The following RBPJ variants were observed in gnomAD, a reference collection of about 807,000 sequenced individuals.
RBPJ encodes the protein recombination signal binding protein for immunoglobulin kappa J region.
Under a neutral mutation model 67.8 loss-of-function variants are expected in RBPJ, and 9 were observed. The observed-to-expected ratio is 0.13, with a 90% confidence interval of 0.08 to 0.23. The LOEUF is 0.23. RBPJ is among the 10% of genes least tolerant of loss of function. RBPJ has a pLI of 1.00. For missense variants in RBPJ, 305 were observed against 595.6 expected (o/e 0.51, Z 5.08); for synonymous variants, 198 against 203.3 (o/e 0.97, Z 0.22).
rs902593230 is a variant in RBPJ, at chr4:26,433,454, C to T, written c.*2447C>T. The T allele has an allele frequency of 2.6e-5, 4 of 152,164 alleles. No individual in the cohort carries two copies. Among genetic ancestry groups the T allele is most frequent in the Non-Finnish European group, 4.4e-5 (3 of 68,022 alleles). 9.4% of individuals were successfully genotyped at this position (152,164 alleles called of 1,614,324 possible). A position where few individuals can be genotyped will look rare whatever the true frequency, so the allele number is the denominator to read the frequency against. On this transcript the variant is annotated 3_prime_UTR_variant, in exon 11 of 11. Transcript: ENST00000355476. ...AGATACTTTTGAAGAACAAACTATT[C>T]CTTACCCATTTTTGTAGCTCAAAAA...
At chr4:26,129,409 A>G in the RBPJ span, among the ~76,000 whole-genome samples, 4 of 152,210 alleles carry the variant, frequency 2.6e-5, no homozygotes, top group African/African-American at 9.7e-5. Context: ...TATAGTGGAT[A>G]TTTTCTAAAG....
In RBPJ at chr4:26,233,202, A is replaced by G. The variant is rs1719345675; in HGVS notation, c.-167+69588A>G. Among the ~76,000 whole-genome samples, 3 of 152,336 alleles carry G rather than the reference A, an allele frequency of 2.0e-5. No individual in the cohort carries two copies. The South Asian group carries it at 6.2e-4, about 32-fold the overall frequency. The stretch of plus-strand genomic sequence containing the variant: ...GGATAAATAAATCATTCATGAATAC[A>G]TTTGATAAGAGAATGTATGGAGCTA... On this transcript the variant is annotated intron_variant, in intron 1 of 4. Coordinates refer to the RBPJ transcript ENST00000512351.
At chr4:26,407,758 A>T (rs541734297) in intron 3 of RBPJ, among the ~76,000 whole-genome samples, 5 of 152,170 alleles carry the variant, frequency 3.3e-5, no homozygotes, top group Non-Finnish European at 5.9e-5. Context: ...ACCTCAGCTT[A>T]TGCTTAAGAG....
intron 1 of RBPJ, among the ~76,000 whole-genome samples, chr4:26,262,113 T>C (rs1388399264): frequency 2.0e-5 from 3 of 152,016 alleles, no homozygotes; most frequent in African/African-American, 7.3e-5. Context: ...ACCCCACTAA[T>C]TTTTTATTTT....
intron 1 of RBPJ, among the ~76,000 whole-genome samples, chr4:26,266,248 GA>G (rs927364718): frequency 6.6e-5 from 10 of 151,748 alleles, no homozygotes; most frequent in South Asian, 4.2e-4. Context: ...GTGTAGGGGA[GA>G]AAAAAAATAT....
At chr4:26,258,696 C>G (rs1468186923) in intron 1 of RBPJ, among the ~76,000 whole-genome samples, 1 of 152,210 alleles carries the variant, frequency 6.6e-6, no homozygotes, top group Non-Finnish European at 1.5e-5. Context: ...TAGTCCATTC[C>G]TAAAGAACTG....
chr4:26,179,072 C>T (rs987292072), intron 1 of RBPJ, among the ~76,000 whole-genome samples: 8 of 152,020 alleles, frequency 5.3e-5, no homozygotes, highest in Non-Finnish European at 7.4e-5. Flanking sequence ...ACCCATGCAG[C>T]GTGCACCCTG....
the RBPJ span, among the ~76,000 whole-genome samples, chr4:26,148,912 TC>T: frequency 0.021 from 3,247 of 152,264 alleles, 47 homozygotes; most frequent in Middle Eastern, 0.048. Flanking sequence ...GGAAGACCTT[TC>T]CCCTGAGAAA....
intron 2 of RBPJ, among the ~76,000 whole-genome samples, chr4:26,387,604 CAGTT>C (rs1360255589): frequency 6.6e-6 from 1 of 152,126 alleles, no homozygotes; most frequent in Admixed American, 6.5e-5. Context: ...GAGGGCAAGA[CAGTT>C]AGCAGGGCTG....
chr4:26,157,111 A>AAC, the RBPJ span, among the ~76,000 whole-genome samples: 14 of 149,246 alleles, frequency 9.4e-5, no homozygotes, highest in African/African-American at 3.4e-4. Context: ...AAACAAACAA[A>AAC]CAAACAAAAA....
chr4:26,362,724 A>G lies in RBPJ; in HGVS notation c.21-23629A>G, dbSNP rs1728206328. On this transcript the variant is annotated intron_variant, in intron 1 of 10. Transcript: ENST00000355476. ...TTAATGCATATTTAAGATATTCTGT[A>G]TTTAGTTATTACATATTTAAGTTAT... The G allele has an allele frequency of 4.2e-6, 4 of 955,570 alleles. No individual in the cohort carries two copies. The South Asian group carries it at 6.0e-5, about 14-fold the overall frequency. 59.2% of individuals were successfully genotyped at this position (955,570 alleles called of 1,614,324 possible).
chr4:26,237,977 T>C (rs1483092128), intron 1 of RBPJ, among the ~76,000 whole-genome samples: 1 of 152,146 alleles, frequency 6.6e-6, no homozygotes, highest in African/African-American at 2.4e-5. Flanking sequence ...CCACCCAAAG[T>C]ACTGGAATTA....
the RBPJ span, among the ~76,000 whole-genome samples, chr4:26,114,016 A>G: frequency 6.6e-6 from 1 of 152,244 alleles, no homozygotes; most frequent in African/African-American, 2.4e-5. Context: ...TAAGTAATGC[A>G]GCAAAAACCT....
chr4:26,386,288 A>C, intron 1 of RBPJ, 65 bp from the exon 2 acceptor site: 1 of 1,137,104 alleles, frequency 8.8e-7, no homozygotes, highest in South Asian at 1.4e-5. Flanking sequence ...GATGCCTGAA[A>C]AGCTTTCTGT....
intron 1 of RBPJ, among the ~76,000 whole-genome samples, chr4:26,340,430 T>C (rs2667065): frequency 0.011 from 1,603 of 152,282 alleles, 14 homozygotes; most frequent in Non-Finnish European, 0.016. Flanking sequence ...TAGTTTTTAT[T>C]TTGAGATGAG....
At chr4:26,135,974 CA>C in the RBPJ span, among the ~76,000 whole-genome samples, 2 of 152,204 alleles carry the variant, frequency 1.3e-5, no homozygotes, top group African/African-American at 4.8e-5. Flanking sequence ...AGTTGACTCA[CA>C]TATGGCTGGG....
intron 1 of RBPJ, among the ~76,000 whole-genome samples, chr4:26,360,240 C>T (rs944438394): frequency 3.3e-5 from 5 of 152,070 alleles, no homozygotes; most frequent in African/African-American, 9.7e-5. Context: ...TATCATTTAG[C>T]GGTGAATGTG....
intron 1 of RBPJ, among the ~76,000 whole-genome samples, chr4:26,312,139 T>A (rs996426915): frequency 2.0e-5 from 3 of 150,198 alleles, no homozygotes; most frequent in African/African-American, 2.4e-5. Flanking sequence ...TATTTTATTT[T>A]ATTTTTTTTT....
upstream of RBPJ, among the ~76,000 whole-genome samples, chr4:26,316,675 TA>T (rs1215661050): frequency 2.0e-5 from 2 of 99,920 alleles, no homozygotes; most frequent in African/African-American, 1.5e-4. Context: ...TATATACACA[TA>T]TATATATATA....
Sources: gnomAD v4.1 joint callset for allele counts (sites outside exome capture counted in the v4.1 genomes callset) on GRCh38, gnomAD v4.1.1 for gene constraint, MANE v1.5 for transcripts, NCBI Gene and HGNC (gene_info 2026-07-23, HGNC 2026-07-21) for gene names.